The following FRYL variants were observed in gnomAD, a reference collection of about 807,000 sequenced individuals.
FRYL encodes protein furry homolog-like.
In FRYL, 150 loss-of-function variants were observed where a neutral mutation model predicts 351.2. The observed-to-expected ratio is 0.43, with a 90% CI of 0.37 to 0.49. The LOEUF (loss-of-function observed/expected upper bound fraction) is 0.49, where lower values mean the gene tolerates loss of function less well. Ranked by LOEUF, FRYL falls within the 20% of genes least tolerant of loss-of-function variation. The probability of loss-of-function intolerance (pLI) is 0.00; values close to 1 mark genes in which losing one functional copy is unlikely to be tolerated. For synonymous variants in FRYL, 1,153 were observed against 1,257.1 expected, an observed-to-expected ratio of 0.92 and a Z score of 1.75; for missense variants, 3,036 against 3,619.3, an observed-to-expected ratio of 0.84 and a Z score of 4.13.
chr4:48,568,239 G>A (rs1283975684), intron 27 of FRYL, among the ~76,000 whole-genome samples: 1 of 152,312 alleles, frequency 6.6e-6, no homozygotes, highest in East Asian at 1.9e-4. Flanking sequence ...GACAGAGCAA[G>A]AGCCTGTCTC....
intron 47 of FRYL, among the ~76,000 whole-genome samples, chr4:48,537,339 G>A (rs1307050909): frequency 6.6e-6 from 1 of 152,094 alleles, no homozygotes; most frequent in Non-Finnish European, 1.5e-5. Flanking sequence ...TTTTTGAAAT[G>A]CCAGGTTAAA....
intron 35 of FRYL, among the ~76,000 whole-genome samples, chr4:48,553,611 T>C (rs1733374559): frequency 6.6e-6 from 1 of 151,384 alleles, no homozygotes; most frequent in South Asian, 2.1e-4. Context: ...TGAGTATGTT[T>C]AGCGGTTTAG....
At chr4:48,685,784 A>G (rs1765093354) in intron 2 of FRYL, among the ~76,000 whole-genome samples, 1 of 149,098 alleles carries the variant, frequency 6.7e-6, no homozygotes, top group Non-Finnish European at 1.5e-5. Context: ...ACGGAGTTTC[A>G]CTCTTGTTGC....
chr4:48,595,288 C>A (rs1322079624), intron 15 of FRYL, among the ~76,000 whole-genome samples: 1 of 152,114 alleles, frequency 6.6e-6, no homozygotes, highest in African/African-American at 2.4e-5. Context: ...ATTATCAGTA[C>A]CTAAGAATCT....
intron 3 of FRYL, among the ~76,000 whole-genome samples, chr4:48,665,583 T>C (rs1040203565): frequency 2.6e-5 from 4 of 152,228 alleles, no homozygotes; most frequent in South Asian, 4.1e-4. Flanking sequence ...AATACCAACA[T>C]AGTTTCACTG....
intron 60 of FRYL, 88 bp from the exon 61 acceptor site, chr4:48,502,933 C>T: frequency 7.2e-6 from 7 of 972,590 alleles, no homozygotes; most frequent in South Asian, 5.6e-5. Flanking sequence ...ACTAGGGTCA[C>T]AGATGTTCCA....
rs571056658 is a variant in FRYL at position 48,593,130 on chromosome 4, T to C, written c.1335+800A>G. Among the ~76,000 whole-genome samples, 5 of 152,072 alleles carry C rather than the reference T, an allele frequency of 3.3e-5. No individual in the cohort carries two copies. The East Asian group carries it at 5.8e-4, about 18-fold the overall frequency. ...TTTTTAATGTTGATTTTTTTTGGCA[T>C]GGGGGAAACAAATTTTTGTTTTTTC... On this transcript the variant is annotated intron_variant, in intron 16 of 63. Coordinates refer to ENST00000358350, the MANE Select transcript of FRYL (RefSeq NM_015030.2).
At chr4:48,651,470 C>G (rs1757695147) in intron 3 of FRYL, among the ~76,000 whole-genome samples, 1 of 152,030 alleles carries the variant, frequency 6.6e-6, no homozygotes, top group South Asian at 2.1e-4. Flanking sequence ...CCATGCCCAG[C>G]AGACCAATGT....
At chr4:48,502,656 A>G (rs1719967970) in intron 61 of FRYL, among the ~76,000 whole-genome samples, 172 bp downstream of exon 61, 1 of 152,172 alleles carries the variant, frequency 6.6e-6, no homozygotes, top group Admixed American at 6.5e-5. Context: ...ACATCTCACT[A>G]TTTTAAAAGA....
intron 1 of FRYL, among the ~76,000 whole-genome samples, chr4:48,774,206 T>C (rs1448444509): frequency 1.3e-5 from 2 of 152,148 alleles, no homozygotes; most frequent in African/African-American, 4.8e-5. Flanking sequence ...AACTCTGAAA[T>C]AGAATAAAAA....
intron 1 of FRYL, among the ~76,000 whole-genome samples, chr4:48,733,103 C>T (rs1049358688): frequency 1.3e-5 from 2 of 151,336 alleles, no homozygotes; most frequent in African/African-American, 4.9e-5. Flanking sequence ...GGTGAAACCC[C>T]GTCTCTACTA....
chr4:48,752,246 A>C (rs1242095894), intron 1 of FRYL, among the ~76,000 whole-genome samples: 2 of 152,190 alleles, frequency 1.3e-5, no homozygotes, highest in African/African-American at 4.8e-5. Flanking sequence ...TGTTGGCATT[A>C]GTTTTCAAAA....
At chr4:48,505,339 C>G in intron 60 of FRYL, 1 of 615,218 alleles carries the variant, frequency 1.6e-6, no homozygotes, top group Non-Finnish European at 3.0e-6. Flanking sequence ...CAGTCACAAG[C>G]TGGTCGTTCA....
At chr4:48,650,550 T>C (rs1204285179) in intron 3 of FRYL, among the ~76,000 whole-genome samples, 3 of 152,162 alleles carry the variant, frequency 2.0e-5, no homozygotes, top group African/African-American at 7.2e-5. Flanking sequence ...ATCATTGCGA[T>C]GCAGGCAGAG....
At chr4:48,751,666 A>T (rs1383994983) in intron 1 of FRYL, among the ~76,000 whole-genome samples, 1 of 152,198 alleles carries the variant, frequency 6.6e-6, no homozygotes, top group Non-Finnish European at 1.5e-5. Flanking sequence ...GTTCCATGAA[A>T]GGAAAAAAGG....
intron 27 of FRYL, among the ~76,000 whole-genome samples, chr4:48,569,072 G>A (rs1384594325): frequency 6.6e-6 from 1 of 152,074 alleles, no homozygotes; most frequent in East Asian, 1.9e-4. Context: ...AATCATTATT[G>A]CTTAATAGTC....
Position 48,589,608 on chromosome 4 carries a change from T to A in FRYL, c.1640+137A>T. 4.0e-6 allele frequency: 3 copies of A among 757,360 alleles called. 1 individual carries two copies. In the South Asian group the frequency reaches 5.5e-5, roughly 14 times the overall value. 46.9% of individuals were successfully genotyped at this position (757,360 alleles called of 1,614,324 possible). A position where few individuals can be genotyped will look rare whatever the true frequency, so the allele number is the denominator to read the frequency against. On this transcript the variant is annotated intron_variant, in intron 18 of 63. Coordinates refer to ENST00000358350, the MANE Select transcript of FRYL (RefSeq NM_015030.2). ...AATAAAACTGAGTGTGTGGAAGGAA[T>A]CACTGTATTGAAAACTGCAGCAGAT...
At chr4:48,668,401 A>T (rs1317910781) in intron 3 of FRYL, among the ~76,000 whole-genome samples, 1 of 151,818 alleles carries the variant, frequency 6.6e-6, no homozygotes, top group Non-Finnish European at 1.5e-5. Context: ...AAAAAAAAAA[A>T]AAGAAAGAAA....
chr4:48,556,986 A>G lies in FRYL; in HGVS notation c.4258T>C (p.Leu1420=). 6.3e-7 allele frequency: 1 copy of G among 1,589,976 alleles called. No homozygotes were observed. Among genetic ancestry groups the G allele is most frequent in the East Asian group, 2.3e-5 (1 of 44,134 alleles). ...ICGVNSEPSL[L]PYVKKVIVYL... ...TGAACTTGAATACATACGTAAGGCA[A>G]GAGGCTTGGTTCGCTATTCACCCCA... The change falls in exon 35 of 64, where the codon TTG becomes CTG. Residue 1420 remains leucine (L), a synonymous_variant. Coordinates refer to ENST00000358350, the MANE Select transcript of FRYL (RefSeq NM_015030.2).
Sources: gnomAD v4.1 joint callset for allele counts (sites outside exome capture counted in the v4.1 genomes callset) on GRCh38, gnomAD v4.1.1 for gene constraint, MANE v1.5 for transcripts, NCBI Gene and HGNC (gene_info 2026-07-23, HGNC 2026-07-21) for gene names.